IRS1: variants seen among roughly 807,000 people sequenced by gnomAD.
IRS1 encodes the protein insulin receptor substrate 1.
A neutral mutation model predicts 65.6 loss-of-function variants in IRS1; 34 were observed. The observed-to-expected ratio is 0.52, with a 90% CI of 0.39 to 0.69. IRS1 has a LOEUF of 0.69. Ranked by LOEUF, IRS1 falls within the 30% of genes least tolerant of loss-of-function variation. The pLI, the probability that IRS1 is intolerant of heterozygous loss-of-function variation, is 0.00. For missense variants in IRS1, 1,641 were observed against 1,720.2 expected, an observed-to-expected ratio of 0.95 and a Z score of 0.81; for synonymous variants, 699 against 683.5, an observed-to-expected ratio of 1.02 and a Z score of -0.35.
In IRS1 at chr2:226,748,925, G is replaced by T. The variant is rs76290824; in HGVS notation, c.*22-12675C>A. Among the ~76,000 whole-genome samples the T allele has an allele frequency of 9.9e-5, 15 of 152,266 alleles. No homozygotes were observed. The East Asian group carries it at 2.9e-3, about 29-fold the overall frequency. On this transcript the variant is annotated intron_variant, in intron 1 of 1. Coordinates refer to ENST00000305123, the MANE Select transcript of IRS1 (RefSeq NM_005544.3). ...CAGGGTTTTCAGATTGAACCCTGAG[G>T]CAGTGGTAAGAAGAACAGATCCTCC... is the stretch of plus-strand genomic sequence containing the variant.
chr2:226,736,335 C>A (rs1938324779), intron 1 of IRS1, 85 bp from the exon 2 acceptor site: 1 of 152,188 alleles, frequency 6.6e-6, no homozygotes, highest in Non-Finnish European at 1.5e-5. Flanking sequence ...TTACAAGGGG[C>A]AGCGTCACAT....
At position 226,798,435 on chromosome 2, in the gene IRS1, C is replaced by G. The variant is rs377203122; in HGVS notation, c.304G>C (p.Glu102Gln). ...HFAIAADSEA[E>Q]QDSWYQALLQ... ...AGAGCCTGGTACCAGCTGTCTTGCT[C>G]GGCCTCGCTGTCCGCCGCGATGGCA... Residue 102 changes from glutamate (E) to glutamine (Q), a missense_variant, in exon 1 of 2, where the codon GAG becomes CAG. Coordinates refer to ENST00000305123, the MANE Select transcript of IRS1 (RefSeq NM_005544.3). This position sits in a 1 kb window ranked among gnomAD's most constrained non-coding sequence, Gnocchi z 9.4. 2 of 1,613,982 alleles carry G rather than the reference C, an allele frequency of 1.2e-6. No homozygotes were observed. Among genetic ancestry groups the G allele is most frequent in the Non-Finnish European group, 1.7e-6 (2 of 1,180,018 alleles).
Position 226,798,666 on chromosome 2 carries a change from T to C in IRS1, c.73A>G (p.Met25Val), listed in dbSNP as rs1426755201. ...KVGYLRKPKSMHKRFFVLRAA... is the reference protein window; with the variant it reads ...KVGYLRKPKSVHKRFFVLRAA... ...CGCAGTACGAAGAAGCGTTTGTGCA[T>C]GCTCTTGGGTTTGCGCAGGTAGCCC... Residue 25 changes from methionine (M) to valine (V), a missense_variant, in exon 1 of 2, where the codon ATG (methionine) becomes GTG (valine). By Grantham distance (21) the Met-to-Val change is conservative. Around this residue, in one of 3 missense-constraint regions of IRS1, gnomAD observed 240 missense variants for 229.6 expected, o/e 1.05. Coordinates refer to ENST00000305123, the MANE Select transcript of IRS1 (RefSeq NM_005544.3). This position sits in a 1 kb window ranked among gnomAD's most constrained non-coding sequence, Gnocchi z 9.4. 4 of 1,613,180 alleles carry C rather than the reference T, an allele frequency of 2.5e-6. No individual in the cohort carries two copies. The highest frequency in any genetic ancestry group is 2.2e-5 in the East Asian group (1 of 44,882).
Position 226,799,068 on chromosome 2 carries a change from T to G in IRS1, c.-330A>C. On this transcript the variant is annotated 5_prime_UTR_variant, in exon 1 of 2. It removes an upstream start codon present in the reference 5' UTR. Transcript: ENST00000305123. This position sits in a 1 kb window ranked among gnomAD's most constrained non-coding sequence, Gnocchi z 6.1. ...GCCACCAGGAAGGAGCGAAGATGCA[T>G]CTCTCGTCGCCCCGGCTGGAGTCCG... 7.8e-7 allele frequency: 1 copy of G among 1,280,422 alleles called. No individual in the cohort carries two copies. Among genetic ancestry groups the G allele is most frequent in the Middle Eastern group, 3.2e-4 (1 of 3,134 alleles). 79.3% of individuals were successfully genotyped at this position (1,280,422 alleles called of 1,614,324 possible). A position where few individuals can be genotyped will look rare whatever the true frequency, so the allele number is the denominator to read the frequency against.
At chr2:226,781,827 GCA>G (rs1229287525) in intron 1 of IRS1, among the ~76,000 whole-genome samples, 2 of 149,310 alleles carry the variant, frequency 1.3e-5, no homozygotes, top group Non-Finnish European at 3.0e-5. Context: ...TTATTGGACT[GCA>G]GTTTCCACTC....
At chr2:226,779,520 G>A (rs912603439) in intron 1 of IRS1, among the ~76,000 whole-genome samples, 11 of 152,272 alleles carry the variant, frequency 7.2e-5, no homozygotes, top group African/African-American at 2.2e-4. Flanking sequence ...TATCTATAAG[G>A]ACACACATCT....
intron 1 of IRS1, among the ~76,000 whole-genome samples, chr2:226,747,750 A>C (rs1938578636): frequency 6.6e-6 from 1 of 152,150 alleles, no homozygotes. Context: ...GACACCCTCC[A>C]GTCTCCAAGC....
In IRS1 at chr2:226,796,936, T is replaced by G; in HGVS notation, c.1803A>C (p.Pro601=). Residue 601 remains proline, a synonymous_variant, in exon 1 of 2, where the codon CCA becomes CCC. Transcript: ENST00000305123. ...CATCCGTGTGGAGGGTGGAGCTGTC[T>G]GGGCGGTGGTGCCCCCCCCGACGCT... ...PLERRGGHHR[P]DSSTLHTDDG... is the part of the protein sequence containing the mutation. The G allele has an allele frequency of 6.4e-7, 1 of 1,554,536 alleles. No individual in the cohort carries two copies. Among genetic ancestry groups the G allele is most frequent in the East Asian group, 2.3e-5 (1 of 44,336 alleles).
intron 1 of IRS1, among the ~76,000 whole-genome samples, chr2:226,782,861 C>A (rs1939410966): frequency 6.6e-6 from 1 of 152,138 alleles, no homozygotes; most frequent in Non-Finnish European, 1.5e-5. Flanking sequence ...ATTAGCCTGG[C>A]ATGGTGGCGC....
chr2:226,750,249 C>CAAAAA (rs75785691), intron 1 of IRS1, among the ~76,000 whole-genome samples: 27 of 59,974 alleles, frequency 4.5e-4, no homozygotes, highest in African/African-American at 1.3e-3. Context: ...AACTCTGTCT[C>CAAAAA]AAAAAAAAAA....
At chr2:226,771,733 A>G (rs1358860705) in intron 1 of IRS1, among the ~76,000 whole-genome samples, 1 of 152,150 alleles carries the variant, frequency 6.6e-6, no homozygotes, top group Non-Finnish European at 1.5e-5. Context: ...TCTCTCTGTC[A>G]AAGAGTGCTG....
rs370788917 is a variant in IRS1, at chr2:226,795,046, G to A, written c.3693C>T (p.Ser1231=). ...CCTCTGGCTGCTTCTGGAAACTGAT[G>A]CTGGCATAGGCGCTTAAATCCTCAC... The part of the protein sequence containing the change: ...RSSEDLSAYA[S]ISFQKQPEDR... Residue 1231 remains serine (S), a synonymous_variant, in exon 1 of 2, where the codon AGC becomes AGT. Coordinates refer to ENST00000305123, the MANE Select transcript of IRS1 (RefSeq NM_005544.3). The A allele has an allele frequency of 6.2e-7, 1 of 1,612,686 alleles. No individual in the cohort carries two copies. Among genetic ancestry groups the A allele is most frequent in the African/African-American group, 1.3e-5 (1 of 74,670 alleles).
chr2:226,783,266 A>G (rs1414054714), intron 1 of IRS1, among the ~76,000 whole-genome samples: 1 of 152,244 alleles, frequency 6.6e-6, no homozygotes, highest in East Asian at 1.9e-4. Context: ...CAAAGCATGT[A>G]ATATAAAAAT....
chr2:226,737,215 A>C (rs1938343822), intron 1 of IRS1, among the ~76,000 whole-genome samples: 1 of 151,124 alleles, frequency 6.6e-6, no homozygotes, highest in South Asian at 2.1e-4. Flanking sequence ...TTCTTGTGAT[A>C]GTTTACTGAG....
Position 226,797,836 on chromosome 2 carries a change from G to A in IRS1, c.903C>T (p.Arg301=). The A allele has an allele frequency of 6.2e-7, 1 of 1,600,438 alleles. No homozygotes were observed. Among genetic ancestry groups the A allele is most frequent in the Non-Finnish European group, 8.5e-7 (1 of 1,175,814 alleles). The change falls in exon 1 of 2, where the codon CGC becomes CGT. Residue 301 remains arginine, a synonymous_variant. Transcript: ENST00000305123. This position sits in a 1 kb window ranked among gnomAD's most constrained non-coding sequence, Gnocchi z 8.1. The part of the protein sequence containing the change: ...NPPPSQVGLT[R]RSRTESITAT... ...CGGTGATGCTCTCAGTGCGTGATCGGCGGGTCAGCCCCACCTGGCTGGGCG... is the reference window on the plus strand; with the variant it reads ...CGGTGATGCTCTCAGTGCGTGATCGACGGGTCAGCCCCACCTGGCTGGGCG...
At chr2:226,775,315 A>C (rs1939250310) in intron 1 of IRS1, among the ~76,000 whole-genome samples, 1 of 152,242 alleles carries the variant, frequency 6.6e-6, no homozygotes, top group Non-Finnish European at 1.5e-5. Context: ...CCATGGGGCT[A>C]GAGTTAACAA....
At chr2:226,774,901 C>A (rs754799297) in intron 1 of IRS1, among the ~76,000 whole-genome samples, 4 of 152,026 alleles carry the variant, frequency 2.6e-5, no homozygotes, top group Admixed American at 1.3e-4. Flanking sequence ...ACTGTAGAGA[C>A]AATAAACAGA....
At chr2:226,783,597 T>C (rs1363578908) in intron 1 of IRS1, among the ~76,000 whole-genome samples, 1 of 152,218 alleles carries the variant, frequency 6.6e-6, no homozygotes, top group African/African-American at 2.4e-5. Context: ...AGGAAATCAC[T>C]GATATTTCAC....
At position 226,796,698 on chromosome 2, in the gene IRS1, T is replaced by C. The variant is rs1027685087; in HGVS notation, c.2041A>G (p.Ser681Gly). ...ACGGCGTTGCTGCTGCTGCTGCTGC[T>C]GCTGGGGCCACCTCCAATGTCAGGA... ...CSPDIGGGPSSSSSSSNAVPS... is the reference protein window; with the variant it reads ...CSPDIGGGPSGSSSSSNAVPS... The change falls in exon 1 of 2, where the codon AGC (serine) becomes GGC (glycine). Residue 681 changes from serine to glycine, a missense_variant. Coordinates refer to ENST00000305123, the MANE Select transcript of IRS1 (RefSeq NM_005544.3). 1 of 1,613,856 alleles carries C rather than the reference T, an allele frequency of 6.2e-7. No individual in the cohort carries two copies. Among genetic ancestry groups the C allele is most frequent in the East Asian group, 2.2e-5 (1 of 44,862 alleles).
Sources: gnomAD v4.1 joint callset for allele counts (sites outside exome capture counted in the v4.1 genomes callset) on GRCh38, gnomAD v4.1.1 for gene constraint, gnomAD v4.1.1 regional missense constraint, Gnocchi (gnomAD v3.1) non-coding constraint, MANE v1.5 for transcripts, NCBI Gene and HGNC (gene_info 2026-07-23, HGNC 2026-07-21) for gene names.